GTF2F2: variants seen among roughly 807,000 people sequenced by gnomAD.
The protein encoded by GTF2F2 is general transcription factor IIF subunit 2, also known as ATP-dependent helicase GTF2F2.
GTF2F2 carries 23 observed loss-of-function variants against 42.2 expected under a neutral mutation model. The ratio of observed to expected loss-of-function variants is 0.55; its 90% CI spans 0.39 to 0.77. The LOEUF (loss-of-function observed/expected upper bound fraction) is 0.77, where lower values mean the gene tolerates loss of function less well. Ranked by LOEUF, GTF2F2 falls within the 30% of genes least tolerant of loss-of-function variation. GTF2F2 has a pLI of 0.00. For synonymous variants in GTF2F2, 105 were observed against 100.8 expected (o/e 1.04, Z -0.25); for missense variants, 261 against 287.2 (o/e 0.91, Z 0.66).
intron 6 of GTF2F2, among the ~76,000 whole-genome samples, chr13:45,256,005 C>A (rs1010552818): frequency 6.6e-6 from 1 of 152,220 alleles, no homozygotes; most frequent in African/African-American, 2.4e-5. Flanking sequence ...GATATATATA[C>A]AATAATGCTT....
chr13:45,127,483 G>A (rs918901249), intron 1 of GTF2F2, among the ~76,000 whole-genome samples: 4 of 147,976 alleles, frequency 2.7e-5, no homozygotes, highest in East Asian at 1.9e-4. Flanking sequence ...GTGTCACCAC[G>A]CCCAACTAAT....
intron 4 of GTF2F2, among the ~76,000 whole-genome samples, chr13:45,202,030 C>CA (rs1476447387): frequency 6.6e-6 from 1 of 152,168 alleles, no homozygotes; most frequent in Non-Finnish European, 1.5e-5. Flanking sequence ...TTCTTACCCC[C>CA]ACCCACCCCA....
intron 5 of GTF2F2, among the ~76,000 whole-genome samples, chr13:45,233,533 C>A (rs1459407998): frequency 6.6e-6 from 1 of 152,178 alleles, no homozygotes; most frequent in Admixed American, 6.5e-5. Flanking sequence ...GTTCCATGGA[C>A]ACAGATTTTG....
intron 7 of GTF2F2, among the ~76,000 whole-genome samples, chr13:45,272,254 ATT>A (rs1236741088): frequency 6.6e-6 from 1 of 151,304 alleles, no homozygotes; most frequent in Non-Finnish European, 1.5e-5. Context: ...AAAATAAACT[ATT>A]AACTATGTTG....
At chr13:45,241,473 T>A (rs886456503) in intron 5 of GTF2F2, among the ~76,000 whole-genome samples, 1 of 152,168 alleles carries the variant, frequency 6.6e-6, no homozygotes, top group South Asian at 2.1e-4. Flanking sequence ...TTGTCCAGTA[T>A]GATAGCCACT....
chr13:45,248,145 A>AT (rs1183273710), intron 5 of GTF2F2, among the ~76,000 whole-genome samples: 1 of 151,984 alleles, frequency 6.6e-6, no homozygotes, highest in Non-Finnish European at 1.5e-5. Flanking sequence ...GCCTGGCCTG[A>AT]TTTTTTTAAA....
rs142554333 is a variant in GTF2F2, at chr13:45,186,393, A to G, written c.305-21031A>G. 6.2e-3 allele frequency among the ~76,000 whole-genome samples: 937 copies of G among 151,058 alleles called. 10 individuals carry two copies. Among genetic ancestry groups the G allele is most frequent in the African/African-American group, 0.022 (894 of 41,074 alleles). ...TTCAACCTCCACCTCCTAGGTTCAA[A>G]TGATTCTCCTGCCTCAGCCTCCCAA... On this transcript the variant is annotated intron_variant, in intron 4 of 7. Transcript: ENST00000340473.
chr13:45,233,722 TG>T (rs1874806288), intron 5 of GTF2F2, among the ~76,000 whole-genome samples: 2 of 152,168 alleles, frequency 1.3e-5, no homozygotes, highest in African/African-American at 4.8e-5. Flanking sequence ...GAGGCCAGCC[TG>T]GGCAACATGG....
At chr13:45,224,674 T>A (rs1347889986) in intron 5 of GTF2F2, among the ~76,000 whole-genome samples, 1 of 152,254 alleles carries the variant, frequency 6.6e-6, no homozygotes, top group East Asian at 1.9e-4. Flanking sequence ...AAAGTATTGC[T>A]AATTAAATTT....
intron 4 of GTF2F2, among the ~76,000 whole-genome samples, chr13:45,161,110 A>C (rs1593462775): frequency 1.3e-5 from 2 of 152,142 alleles, no homozygotes; most frequent in African/African-American, 4.8e-5. Flanking sequence ...CTTTTTAAAA[A>C]ATTGCAAGTG....
At chr13:45,275,789 A>G (rs1221561649) in intron 7 of GTF2F2, among the ~76,000 whole-genome samples, 2 of 152,156 alleles carry the variant, frequency 1.3e-5, no homozygotes, top group Admixed American at 1.3e-4. Flanking sequence ...TTATAACAGC[A>G]TGATTTATAA....
chr13:45,143,949 A>G (rs908541120), intron 2 of GTF2F2, among the ~76,000 whole-genome samples: 2 of 152,082 alleles, frequency 1.3e-5, no homozygotes, highest in Non-Finnish European at 2.9e-5. Flanking sequence ...GCCACATTTT[A>G]ATTAGTTTAT....
intron 1 of GTF2F2, among the ~76,000 whole-genome samples, chr13:45,121,162 C>T (rs1316456310): frequency 6.6e-6 from 1 of 152,170 alleles, no homozygotes; most frequent in African/African-American, 2.4e-5. Context: ...TAAAAGTGTT[C>T]TCTTAGGTTG....
intron 4 of GTF2F2, among the ~76,000 whole-genome samples, chr13:45,190,265 A>G (rs1872569191): frequency 6.6e-6 from 1 of 152,254 alleles, no homozygotes; most frequent in Admixed American, 6.5e-5. Context: ...TTTAAATGAC[A>G]TGACATTAAA....
chr13:45,154,756 T>C (rs9534045), intron 4 of GTF2F2, among the ~76,000 whole-genome samples: 25,260 of 152,172 alleles, frequency 0.17, 2,481 homozygotes, highest in Non-Finnish European at 0.22. Context: ...ATATTAGCTG[T>C]TGTTGTTAAT....
intron 1 of GTF2F2, among the ~76,000 whole-genome samples, chr13:45,128,579 A>T (rs1869169762): frequency 1.3e-5 from 2 of 151,504 alleles, no homozygotes; most frequent in Middle Eastern, 3.4e-3. Flanking sequence ...TCTCAAAAAA[A>T]TAAAATTTAT....
intron 3 of GTF2F2, among the ~76,000 whole-genome samples, chr13:45,150,051 CTAATACGTTAGTAT>C (rs1468905462): frequency 3.3e-5 from 5 of 152,186 alleles, no homozygotes; most frequent in Non-Finnish European, 7.3e-5. Context: ...TAATACTTTA[CTAATACGTTAGTAT>C]TACTTCAGTG....
intron 1 of GTF2F2, among the ~76,000 whole-genome samples, chr13:45,125,909 A>AG (rs146165947): frequency 0.024 from 3,709 of 152,294 alleles, 147 homozygotes; most frequent in African/African-American, 0.076. Flanking sequence ...ATGATTCCAC[A>AG]GGAGCCCTCC....
At chr13:45,272,028 T>G (rs1478316470) in intron 7 of GTF2F2, among the ~76,000 whole-genome samples, 1 of 151,466 alleles carries the variant, frequency 6.6e-6, no homozygotes, top group African/African-American at 2.4e-5. Flanking sequence ...GGTTCCTTTT[T>G]TCATCTTTTC....
Sources: allele counts gnomAD v4.1 joint callset (sites outside exome capture counted in the v4.1 genomes callset), GRCh38; gene constraint gnomAD v4.1.1; transcripts MANE v1.5; gene names NCBI Gene and HGNC (gene_info 2026-07-23, HGNC 2026-07-21).